EPB41L4A: variants seen among roughly 807,000 people sequenced by gnomAD.
The protein encoded by EPB41L4A is band 4.1-like protein 4A.
In EPB41L4A, 100 loss-of-function variants were observed where a neutral mutation model predicts 108.6. The ratio of observed to expected loss-of-function variants is 0.92; its 90% CI spans 0.78 to 1.09. EPB41L4A has a LOEUF of 1.09. EPB41L4A is among the 50% of genes least tolerant of loss of function. The pLI is 0.00. For synonymous variants in EPB41L4A, 319 were observed against 289.0 expected (o/e 1.10, Z -1.05); for missense variants, 1,030 against 842.7 (o/e 1.22, Z -2.75).
At chr5:112,388,192 T>C (rs1191697059) in intron 1 of EPB41L4A, among the ~76,000 whole-genome samples, 1 of 152,198 alleles carries the variant, frequency 6.6e-6, no homozygotes, top group Non-Finnish European at 1.5e-5. Context: ...TTCACAAAAA[T>C]ACGCTTATCT....
At chr5:112,365,037 T>G (rs1759036293) in intron 1 of EPB41L4A, among the ~76,000 whole-genome samples, 1 of 152,194 alleles carries the variant, frequency 6.6e-6, no homozygotes, top group Non-Finnish European at 1.5e-5. Flanking sequence ...ACCTTGCCTG[T>G]CTTGTTTGAC....
At chr5:112,153,273 C>T (rs1759535873) in intron 12 of EPB41L4A, among the ~76,000 whole-genome samples, 5 of 151,714 alleles carry the variant, frequency 3.3e-5, no homozygotes, top group Admixed American at 3.3e-4. Flanking sequence ...CGCCTGTAAT[C>T]CCAGCACTTT....
chr5:112,297,719 T>C (rs1754090366), intron 2 of EPB41L4A, among the ~76,000 whole-genome samples: 1 of 152,204 alleles, frequency 6.6e-6, no homozygotes, highest in Non-Finnish European at 1.5e-5. Context: ...AGCCAATGTC[T>C]AGAAGGGTTT....
chr5:112,229,770 C>A (rs1748733747), intron 12 of EPB41L4A, among the ~76,000 whole-genome samples: 1 of 152,062 alleles, frequency 6.6e-6, no homozygotes, highest in South Asian at 2.1e-4. Flanking sequence ...AGATGGATCA[C>A]GAGGCCAGGA....
intron 14 of EPB41L4A, 148 bp downstream of exon 14, chr5:112,205,273 C>T (rs1762417985): frequency 1.3e-6 from 1 of 755,016 alleles, no homozygotes; most frequent in Non-Finnish European, 2.4e-6. Context: ...AGCCCCTCTC[C>T]CCTGGGTCAC....
chr5:112,299,642 T>G (rs1255263642), intron 2 of EPB41L4A, among the ~76,000 whole-genome samples: 7 of 152,230 alleles, frequency 4.6e-5, no homozygotes, highest in Admixed American at 2.6e-4. Flanking sequence ...CCATCTCTAT[T>G]AAGGAATATT....
intron 17 of EPB41L4A, among the ~76,000 whole-genome samples, chr5:112,190,317 G>A (rs1269458878): frequency 2.0e-5 from 3 of 152,094 alleles, no homozygotes; most frequent in Admixed American, 1.3e-4. Flanking sequence ...TAAGGGGGGG[G>A]TGTTACATAA....
chr5:112,239,306 A>C (rs927422852), intron 11 of EPB41L4A, among the ~76,000 whole-genome samples: 3 of 152,248 alleles, frequency 2.0e-5, no homozygotes, highest in African/African-American at 7.2e-5. Context: ...TAGGGGATCA[A>C]CTGAATGTCT....
intron 11 of EPB41L4A, chr5:112,239,455 A>C (rs1749611753): frequency 5.3e-6 from 2 of 374,684 alleles, no homozygotes; most frequent in African/African-American, 4.2e-5. Context: ...AGCCCACAAC[A>C]TAGCTAATGC....
chr5:112,357,810 AG>A (rs1758457816), intron 1 of EPB41L4A, among the ~76,000 whole-genome samples: 2 of 152,234 alleles, frequency 1.3e-5, no homozygotes, highest in South Asian at 4.1e-4. Flanking sequence ...CATCTAGGGA[AG>A]AGCTATGTGG....
At chr5:112,353,979 A>G (rs1323080245) in intron 1 of EPB41L4A, among the ~76,000 whole-genome samples, 1 of 152,184 alleles carries the variant, frequency 6.6e-6, no homozygotes, top group Non-Finnish European at 1.5e-5. Flanking sequence ...AGCATTTTTT[A>G]AAGTTTCCAG....
chr5:112,202,055 G>A (rs1001119367), intron 15 of EPB41L4A, among the ~76,000 whole-genome samples: 3 of 152,208 alleles, frequency 2.0e-5, no homozygotes, highest in Non-Finnish European at 4.4e-5. Flanking sequence ...CACTTTGCCA[G>A]CTGGGTTCTA....
In EPB41L4A at chr5:112,164,799, A is replaced by G; in HGVS notation, c.*191T>C. 2.1e-6 allele frequency: 1 copy of G among 485,170 alleles called. No homozygotes were observed. Among genetic ancestry groups the G allele is most frequent in the Non-Finnish European group, 3.4e-6 (1 of 295,850 alleles). The allele number at this position is 485,170 out of a possible 1,614,324, so 30.1% of individuals were successfully genotyped here. On this transcript the variant is annotated 3_prime_UTR_variant, in exon 23 of 23. Transcript: ENST00000261486. Reference sequence around the variant, plus strand: ...CGGTGAGCTGACACGGTGCCGCTGCACTCCAGCCTGGGCGACAGAGTGATA... The same window carrying G: ...CGGTGAGCTGACACGGTGCCGCTGCGCTCCAGCCTGGGCGACAGAGTGATA...
At chr5:112,259,181 A>C (rs758009320) in intron 9 of EPB41L4A, 48 bp downstream of exon 9, 1 of 1,391,252 alleles carries the variant, frequency 7.2e-7, no homozygotes, top group Non-Finnish European at 1.0e-6. Flanking sequence ...ACAAATGAAC[A>C]CACAAGACAC....
At chr5:112,322,241 T>C (rs1755829786) in intron 1 of EPB41L4A, among the ~76,000 whole-genome samples, 2 of 152,188 alleles carry the variant, frequency 1.3e-5, no homozygotes, top group Admixed American at 1.3e-4. Context: ...GGTATTATTT[T>C]CCTCATTTTA....
chr5:112,419,490 T>G (rs1762953251), upstream of EPB41L4A: 1 of 375,830 alleles, frequency 2.7e-6, no homozygotes. Flanking sequence ...CGCACGGATT[T>G]GAGCGCGGCC....
chr5:112,378,868 C>G (rs1759987553), intron 1 of EPB41L4A, among the ~76,000 whole-genome samples: 1 of 152,208 alleles, frequency 6.6e-6, no homozygotes, highest in Non-Finnish European at 1.5e-5. Flanking sequence ...TGGAACCTTT[C>G]TAAATGGCTT....
At chr5:112,402,086 C>G (rs1761794148) in intron 1 of EPB41L4A, among the ~76,000 whole-genome samples, 1 of 152,184 alleles carries the variant, frequency 6.6e-6, no homozygotes, top group African/African-American at 2.4e-5. Context: ...AACTGTAATC[C>G]CCAGTGTTGG....
chr5:112,396,905 G>T (rs186139924), intron 1 of EPB41L4A, among the ~76,000 whole-genome samples: 2 of 152,296 alleles, frequency 1.3e-5, no homozygotes, highest in Admixed American at 6.5e-5. Flanking sequence ...CCAACATGGT[G>T]CAAGTAATAT....
Sources: gnomAD v4.1 joint callset for allele counts (sites outside exome capture counted in the v4.1 genomes callset) on GRCh38, gnomAD v4.1.1 for gene constraint, MANE v1.5 for transcripts, NCBI Gene and HGNC (gene_info 2026-07-23, HGNC 2026-07-21) for gene names.